TARS3: variants seen among roughly 807,000 people sequenced by gnomAD.
TARS3 encodes threonine--tRNA ligase 2, cytoplasmic.
In TARS3, 94 loss-of-function variants were observed where a neutral mutation model predicts 103.5. That is an observed-to-expected ratio of 0.91 (90% CI 0.77 to 1.08). The LOEUF is 1.08. Among genes scored for constraint, TARS3 ranks in the 50% least tolerant of loss-of-function variants. The pLI, the probability that TARS3 is intolerant of heterozygous loss-of-function variation, is 0.00. For missense variants in TARS3, 952 were observed against 995.2 expected (o/e 0.96, Z 0.58); for synonymous variants, 416 against 355.4 (o/e 1.17, Z -1.92).
chr15:101,705,187 T>A (rs1407660890), intron 7 of TARS3, among the ~76,000 whole-genome samples: 1 of 152,242 alleles, frequency 6.6e-6, no homozygotes, highest in Non-Finnish European at 1.5e-5. Flanking sequence ...TTGTCTCCTC[T>A]TACATTTGAT....
chr15:101,701,224 T>C, intron 9 of TARS3, 40 bp from the exon 10 acceptor site: 1 of 1,242,130 alleles, frequency 8.1e-7, no homozygotes, highest in Non-Finnish European at 1.2e-6. Flanking sequence ...TGTCATCTGC[T>C]ATTGCTTAAT....
chr15:101,688,118 TATG>T lies in TARS3; in HGVS notation c.1321-2059_1321-2057del, dbSNP rs200294520. Among the ~76,000 whole-genome samples, 64 of 152,296 alleles carry T rather than the reference TATG, an allele frequency of 4.2e-4. No individual in the cohort carries two copies. In the East Asian group the frequency reaches 6.6e-3, roughly 16 times the overall value. On this transcript the variant is annotated intron_variant, in intron 10 of 18. Transcript: ENST00000335968. ...ATATATAGGAGATATCTATATATAT[TATG>T]CTGCTGTATCTCTCCATATTGTAAT... is the stretch of plus-strand genomic sequence containing the variant.
chr15:101,655,765 G>C (rs1290778973), intron 18 of TARS3: 1 of 1,148,486 alleles, frequency 8.7e-7, no homozygotes, highest in South Asian at 1.6e-5. Context: ...GTGCAGATGA[G>C]AGTGGGGAGC....
chr15:101,681,607 C>T (rs1898258624), intron 12 of TARS3, among the ~76,000 whole-genome samples: 1 of 152,228 alleles, frequency 6.6e-6, no homozygotes, highest in South Asian at 2.1e-4. Flanking sequence ...AATGTGCCAG[C>T]TGATTCAGTT....
chr15:101,701,232 A>T (rs771567001), intron 9 of TARS3, 48 bp from the exon 10 acceptor site: 1 of 1,159,246 alleles, frequency 8.6e-7, no homozygotes, highest in Admixed American at 2.2e-5. Context: ...GCTATTGCTT[A>T]ATATTTACTG....
intron 15 of TARS3, among the ~76,000 whole-genome samples, chr15:101,665,238 G>A (rs758876924): frequency 6.6e-6 from 1 of 152,112 alleles, no homozygotes; most frequent in African/African-American, 2.4e-5. Context: ...AGTTCAAACC[G>A]CCACAACATA....
intron 18 of TARS3, among the ~76,000 whole-genome samples, chr15:101,656,336 C>T (rs984846517): frequency 1.1e-4 from 17 of 152,316 alleles, no homozygotes; most frequent in Admixed American, 2.6e-4. Context: ...ATATTTATTT[C>T]GCCTTCTACA....
At chr15:101,704,353 C>G (rs55846033) in intron 7 of TARS3, among the ~76,000 whole-genome samples, 56,266 of 152,078 alleles carry the variant, frequency 0.37, 12,663 homozygotes, top group Non-Finnish European at 0.52. Context: ...ATACTCTAAT[C>G]TTTACATAGA....
At chr15:101,694,367 T>G (rs1898869103) in intron 10 of TARS3, among the ~76,000 whole-genome samples, 1 of 152,210 alleles carries the variant, frequency 6.6e-6, no homozygotes, top group Non-Finnish European at 1.5e-5. Flanking sequence ...CGGCCATATA[T>G]TCCATCGTGC....
intron 9 of TARS3, 59 bp from the exon 10 acceptor site, chr15:101,701,243 C>T: frequency 9.7e-7 from 1 of 1,032,308 alleles, no homozygotes; most frequent in Non-Finnish European, 1.5e-6. Context: ...ATATTTACTG[C>T]ACACACATAT....
In TARS3 at chr15:101,724,115, C is replaced by T. The variant is rs1273604108; in HGVS notation, c.273G>A (p.Glu91=). 14 of 1,402,976 alleles carry T rather than the reference C, an allele frequency of 1.0e-5. No individual in the cohort carries two copies. The highest frequency in any genetic ancestry group is 9.3e-6 in the Non-Finnish European group (10 of 1,079,046). The allele number at this position is 1,402,976 out of a possible 1,614,324, so 86.9% of individuals were successfully genotyped here. ...RQATLESAEL[E]AAQEAGAQPP... is the part of the protein sequence containing the mutation. ...CCTGTGCGCCGGCCTCCTGCGCCGC[C>T]TCTAGCTCCGCGCTCTCCAGCGTGG... The change falls in exon 1 of 19, where the codon GAG becomes GAA. Residue 91 remains glutamate, a synonymous_variant. Coordinates refer to ENST00000335968, the MANE Select transcript of TARS3 (RefSeq NM_152334.3).
intron 15 of TARS3, among the ~76,000 whole-genome samples, chr15:101,662,017 G>A (rs149737148): frequency 6.6e-6 from 1 of 151,986 alleles, no homozygotes; most frequent in Admixed American, 6.6e-5. Context: ...TTTTATTAGA[G>A]CGCACTGAAA....
At chr15:101,699,870 G>C (rs956439185) in intron 10 of TARS3, among the ~76,000 whole-genome samples, 3 of 152,158 alleles carry the variant, frequency 2.0e-5, no homozygotes, top group African/African-American at 7.2e-5. Flanking sequence ...CCCCAAATGA[G>C]AATTAAAGAT....
chr15:101,694,619 C>T (rs8033322), intron 10 of TARS3, among the ~76,000 whole-genome samples: 25,284 of 152,116 alleles, frequency 0.17, 2,363 homozygotes, highest in Non-Finnish European at 0.21. Context: ...GGCAGATAGA[C>T]TGAAAAATAT....
chr15:101,684,049 C>T (rs776276590), intron 12 of TARS3, 26 bp downstream of exon 12: 1 of 1,597,998 alleles, frequency 6.3e-7, no homozygotes, highest in South Asian at 1.1e-5. Flanking sequence ...TGTGACCACA[C>T]TGCTTCACTC....
At chr15:101,668,631 T>C (rs1259396335) in intron 15 of TARS3, among the ~76,000 whole-genome samples, 1 of 152,166 alleles carries the variant, frequency 6.6e-6, no homozygotes, top group Non-Finnish European at 1.5e-5. Context: ...CTTCAGTTTA[T>C]AAAAAATGCA....
rs533941115 is a variant in TARS3, at chr15:101,717,536, T to G, written c.567-2573A>C. The stretch of plus-strand genomic sequence containing the variant: ...GCTACATGTGGCCATGTGGCCAGGT[T>G]TGGAGCCAATGGATAGAAGGAGAAG... On this transcript the variant is annotated intron_variant, in intron 3 of 18. Transcript: ENST00000335968. 3.7e-4 allele frequency among the ~76,000 whole-genome samples: 56 copies of G among 152,346 alleles called. 1 individual carries two copies. In the South Asian group the frequency reaches 1.0e-2, roughly 27 times the overall value.
intron 18 of TARS3, 49 bp downstream of exon 18, chr15:101,656,873 G>T: frequency 8.7e-7 from 1 of 1,153,188 alleles, no homozygotes; most frequent in South Asian, 1.4e-5. Context: ...TTTTGGAATT[G>T]AAGTGGGAAA....
chr15:101,673,075 A>G lies in TARS3; in HGVS notation c.1789-1327T>C, dbSNP rs533906336. 1.5e-3 allele frequency among the ~76,000 whole-genome samples: 222 copies of G among 152,310 alleles called. 1 individual carries two copies. The highest frequency in any genetic ancestry group is 5.1e-3 in the African/African-American group (213 of 41,572). ...GATACATGAAGATGTGTCTCTTTCA[A>G]ACCATTTCAGACACTTCTGAAGACA... On this transcript the variant is annotated intron_variant, in intron 13 of 18. Transcript: ENST00000335968.
Sources: allele counts gnomAD v4.1 joint callset (sites outside exome capture counted in the v4.1 genomes callset), GRCh38; gene constraint gnomAD v4.1.1; transcripts MANE v1.5; gene names NCBI Gene and HGNC (gene_info 2026-07-23, HGNC 2026-07-21).